FBXW4: variants seen among roughly 807,000 people sequenced by gnomAD.
FBXW4 encodes F-box and WD repeat domain containing 4, also known as F-box/WD repeat-containing protein 4.
FBXW4 carries 40 observed loss-of-function variants against 61.8 expected under a neutral mutation model. That is an observed-to-expected ratio of 0.65 (90% CI 0.50 to 0.84). FBXW4 has a LOEUF of 0.84. Ranked by LOEUF, FBXW4 falls within the 40% of genes least tolerant of loss-of-function variation. The pLI is 0.00. For missense variants in FBXW4, 672 were observed against 753.8 expected (o/e 0.89, Z 1.27); for synonymous variants, 311 against 313.8 (o/e 0.99, Z 0.10).
chr10:101,663,642 A>AG (rs2064266505), intron 5 of FBXW4, among the ~76,000 whole-genome samples: 1 of 152,018 alleles, frequency 6.6e-6, no homozygotes, highest in Non-Finnish European at 1.5e-5. Context: ...GTCTCAAAAA[A>AG]AAAAAAAAGA....
chr10:101,650,983 C>T (rs1386986696), intron 5 of FBXW4, among the ~76,000 whole-genome samples: 31 of 152,208 alleles, frequency 2.0e-4, no homozygotes, highest in Non-Finnish European at 2.4e-4. Flanking sequence ...GCAAATCTCC[C>T]GCCTGGGCCC....
At chr10:101,659,395 C>A in intron 5 of FBXW4, 1 of 985,408 alleles carries the variant, frequency 1.0e-6, no homozygotes, top group African/African-American at 1.7e-5. Context: ...AAAGTCCAGG[C>A]TCCAAGGGAA....
chr10:101,667,573 A>G (rs956667228), intron 5 of FBXW4, among the ~76,000 whole-genome samples: 7 of 152,188 alleles, frequency 4.6e-5, no homozygotes, highest in African/African-American at 9.7e-5. Flanking sequence ...GAATGACCCC[A>G]GAGGACAACT....
chr10:101,624,915 T>C, intron 5 of FBXW4, 105 bp from the exon 6 acceptor site: 2 of 1,282,816 alleles, frequency 1.6e-6, no homozygotes, highest in Non-Finnish European at 2.2e-6. Flanking sequence ...GGATTGTGGG[T>C]TAAGCCAGAA....
chr10:101,612,234 T>C, intron 7 of FBXW4, 103 bp downstream of exon 7: 6 of 1,274,106 alleles, frequency 4.7e-6, no homozygotes, highest in Non-Finnish European at 6.1e-6. Flanking sequence ...AGCCCTGACA[T>C]GGAGTCTCTG....
chr10:101,618,702 C>T (rs2063844433), intron 6 of FBXW4, among the ~76,000 whole-genome samples: 1 of 152,114 alleles, frequency 6.6e-6, no homozygotes, highest in Non-Finnish European at 1.5e-5. Flanking sequence ...ACCTCCCCAC[C>T]CCTTTCCCCA....
At chr10:101,646,013 G>C (rs1390726917) in intron 5 of FBXW4, among the ~76,000 whole-genome samples, 3 of 152,182 alleles carry the variant, frequency 2.0e-5, no homozygotes, top group African/African-American at 7.2e-5. Flanking sequence ...GTATAAAGTG[G>C]TCAGCATAGT....
At chr10:101,635,924 C>T (rs1045144745) in intron 5 of FBXW4, among the ~76,000 whole-genome samples, 19 of 151,408 alleles carry the variant, frequency 1.3e-4, no homozygotes, top group African/African-American at 3.6e-4. Flanking sequence ...CCTGGGGGGG[C>T]GGGCGGAGGG....
chr10:101,665,914 C>T lies in FBXW4; in HGVS notation c.1235+1972G>A, dbSNP rs189300722. Among the ~76,000 whole-genome samples the T allele has an allele frequency of 2.0e-3, 303 of 152,142 alleles. 2 individuals are homozygous for T. The highest frequency in any genetic ancestry group is 3.1e-3 in the Non-Finnish European group (214 of 68,040). On this transcript the variant is annotated intron_variant, in intron 5 of 8. Coordinates refer to ENST00000331272, the MANE Select transcript of FBXW4 (RefSeq NM_022039.4). The stretch of plus-strand genomic sequence containing the variant: ...TATGAAGGAAGCGCACAGACCATCT[C>T]CGGCCCTGAGAGCTTCTCTCTACCA...
chr10:101,633,873 G>A (rs1449185796), intron 5 of FBXW4, among the ~76,000 whole-genome samples: 1 of 152,166 alleles, frequency 6.6e-6, no homozygotes, highest in East Asian at 1.9e-4. Flanking sequence ...CACTTTAGGA[G>A]GCTGAGGGGG....
chr10:101,668,579 T>C (rs2064328976), intron 4 of FBXW4, among the ~76,000 whole-genome samples: 1 of 152,178 alleles, frequency 6.6e-6, no homozygotes, highest in Non-Finnish European at 1.5e-5. Context: ...ATTTAACACC[T>C]AGTGTCACCA....
rs77990860 is a variant in FBXW4, at chr10:101,694,890, C to T, written c.216G>A (p.Gly72=). The T allele has an allele frequency of 5.9e-3, 7,363 of 1,242,768 alleles. 318 individuals are homozygous for T. In the African/African-American group the frequency reaches 0.092, roughly 15 times the overall value. The allele number at this position is 1,242,768 out of a possible 1,614,324, so 77.0% of individuals were successfully genotyped here. A position where few individuals can be genotyped will look rare whatever the true frequency, so the allele number is the denominator to read the frequency against. The change falls in exon 1 of 9, where the codon GGG becomes GGA. Residue 72 remains glycine (G), a synonymous_variant. Transcript: ENST00000331272. The surrounding 1 kb of genome is among the most constrained non-coding windows in gnomAD (Gnocchi z 6.0). ...GGCATGCCCTCGCTCCCGCGTCAGC[C>T]CCCGGCCCGGCTGCCTCCTTCGCCG... ...PQTAKEAAGP[G]ADAGARACPR...
At position 101,694,809 on chromosome 10, in the gene FBXW4, G is replaced by T; in HGVS notation, c.297C>A (p.Val99=). ...RSVEEGARGI[V]KGVEGSAGAG... is the part of the protein sequence containing the mutation. ...CCCCTGCGCTCCCCTCGACTCCCTT[G>T]ACGATGCCTCTCGCCCCTTCCTCCA... Residue 99 remains valine (V), a synonymous_variant, in exon 1 of 9, where the codon GTC becomes GTA. Coordinates refer to ENST00000331272, the MANE Select transcript of FBXW4 (RefSeq NM_022039.4). This position sits in a 1 kb window ranked among gnomAD's most constrained non-coding sequence, Gnocchi z 6.0. The T allele has an allele frequency of 7.5e-7, 1 of 1,327,716 alleles. No individual in the cohort carries two copies. Among genetic ancestry groups the T allele is most frequent in the East Asian group, 3.1e-5 (1 of 31,950 alleles). The allele number at this position is 1,327,716 out of a possible 1,614,324, so 82.2% of individuals were successfully genotyped here. A position where few individuals can be genotyped will look rare whatever the true frequency, so the allele number is the denominator to read the frequency against.
intron 1 of FBXW4, among the ~76,000 whole-genome samples, chr10:101,682,708 G>C (rs1033793752): frequency 6.6e-6 from 1 of 152,092 alleles, no homozygotes; most frequent in Non-Finnish European, 1.5e-5. Flanking sequence ...CTGAGGGTTT[G>C]ATCATAGCAC....
chr10:101,642,411 A>G (rs1424217748), intron 5 of FBXW4, among the ~76,000 whole-genome samples: 2 of 151,070 alleles, frequency 1.3e-5, no homozygotes, highest in African/African-American at 4.9e-5. Context: ...TAAAAAAAAA[A>G]CATGACAAGT....
At chr10:101,655,865 C>G (rs1321924524) in intron 5 of FBXW4, among the ~76,000 whole-genome samples, 1 of 152,174 alleles carries the variant, frequency 6.6e-6, no homozygotes, top group East Asian at 1.9e-4. Context: ...GGAGACTGCT[C>G]CTGAAACTCA....
intron 6 of FBXW4, among the ~76,000 whole-genome samples, chr10:101,616,201 A>G (rs1334883519): frequency 6.6e-6 from 1 of 152,158 alleles, no homozygotes; most frequent in African/African-American, 2.4e-5. Flanking sequence ...GTGACAAAAG[A>G]GTTGACCACC....
chr10:101,683,949 AATTTT>A lies in FBXW4; in HGVS notation c.726-7518_726-7514del, dbSNP rs563970863. On this transcript the variant is annotated intron_variant, in intron 1 of 8. Transcript: ENST00000331272. ...GTTACACAAAATGCTTGGGGCTTGG[AATTTT>A]ATTTTATTTTAATTAATTAATTTTT... Among the ~76,000 whole-genome samples the A allele has an allele frequency of 5.1e-4, 78 of 152,222 alleles. No homozygotes were observed. The Middle Eastern group carries it at 0.01, about 20-fold the overall frequency.
rs2064641385 is a variant in FBXW4, at chr10:101,694,061, G to A, written c.725+320C>T. Among the ~76,000 whole-genome samples, 1 of 152,180 alleles carries A rather than the reference G, an allele frequency of 6.6e-6. No individual in the cohort carries two copies. ...CTGGCTCCTCTGGGGCGAAGGAACC[G>A]GGGCAGCTAAACCTCTGCAAAAACA... On this transcript the variant is annotated intron_variant, in intron 1 of 8. Coordinates refer to ENST00000331272, the MANE Select transcript of FBXW4 (RefSeq NM_022039.4). This position sits in a 1 kb window ranked among gnomAD's most constrained non-coding sequence, Gnocchi z 6.0.
Sources: allele counts gnomAD v4.1 joint callset (sites outside exome capture counted in the v4.1 genomes callset), GRCh38; gene constraint gnomAD v4.1.1; non-coding constraint Gnocchi (gnomAD v3.1); transcripts MANE v1.5; gene names NCBI Gene and HGNC (gene_info 2026-07-23, HGNC 2026-07-21).